SLC6A17: variants seen among roughly 807,000 people sequenced by gnomAD.
SLC6A17 encodes solute carrier family 6 member 17.
Under a neutral mutation model 64.5 loss-of-function variants are expected in SLC6A17, and 21 were observed. The ratio of observed to expected loss-of-function variants is 0.33; its 90% CI spans 0.23 to 0.47. The LOEUF (loss-of-function observed/expected upper bound fraction) is 0.47, where lower values mean the gene tolerates loss of function less well. Among genes scored for constraint, SLC6A17 ranks in the 20% least tolerant of loss-of-function variants. The pLI is 1.00. For missense variants in SLC6A17, 682 were observed against 963.2 expected, an observed-to-expected ratio of 0.71 and a Z score of 3.86; for synonymous variants, 372 against 399.5, an observed-to-expected ratio of 0.93 and a Z score of 0.82.
chr1:110,194,166 G>A (rs957890667), intron 8 of SLC6A17, among the ~76,000 whole-genome samples: 2 of 152,214 alleles, frequency 1.3e-5, no homozygotes, highest in African/African-American at 2.4e-5. Flanking sequence ...ATTGAGAGCC[G>A]AGGCTGAGAC....
At chr1:110,172,524 T>A in intron 3 of SLC6A17, 1 of 315,844 alleles carries the variant, frequency 3.2e-6, no homozygotes, top group Non-Finnish European at 5.9e-6. Context: ...TCTGGGAACA[T>A]ATGGACTAGC....
At chr1:110,190,723 A>T (rs1212879835) in intron 6 of SLC6A17, among the ~76,000 whole-genome samples, 1 of 152,064 alleles carries the variant, frequency 6.6e-6, no homozygotes, top group East Asian at 1.9e-4. Context: ...TTGCCTCCTT[A>T]GTCTGTCTGG....
At chr1:110,195,805 C>T in intron 10 of SLC6A17, 60 bp downstream of exon 10, 2 of 1,597,292 alleles carry the variant, frequency 1.3e-6, no homozygotes, top group Non-Finnish European at 1.7e-6. Flanking sequence ...TCATGACTCC[C>T]TGGAGAGGCA....
intron 6 of SLC6A17, among the ~76,000 whole-genome samples, chr1:110,184,322 G>T (rs1219562996): frequency 6.6e-6 from 1 of 152,090 alleles, no homozygotes; most frequent in Non-Finnish European, 1.5e-5. Context: ...AGCTAGGATG[G>T]TCTCGATCTC....
intron 6 of SLC6A17, among the ~76,000 whole-genome samples, chr1:110,186,021 A>G (rs780229909): frequency 3.3e-4 from 51 of 152,262 alleles, no homozygotes; most frequent in Middle Eastern, 3.4e-3. Flanking sequence ...GGTTCCATCA[A>G]TTTGCTGGGT....
chr1:110,174,532 G>A (rs191160289), intron 4 of SLC6A17, among the ~76,000 whole-genome samples: 35 of 152,296 alleles, frequency 2.3e-4, no homozygotes, highest in African/African-American at 7.5e-4. Flanking sequence ...AGAGAGACAT[G>A]GGCAGCAGGA....
intron 1 of SLC6A17, among the ~76,000 whole-genome samples, chr1:110,155,641 C>T (rs1655736048): frequency 6.6e-6 from 1 of 152,198 alleles, no homozygotes; most frequent in African/African-American, 2.4e-5. Flanking sequence ...TCCCACTGAG[C>T]TGCCACTCTG....
At chr1:110,157,327 C>G (rs1348767720) in intron 1 of SLC6A17, among the ~76,000 whole-genome samples, 1 of 152,172 alleles carries the variant, frequency 6.6e-6, no homozygotes, top group Non-Finnish European at 1.5e-5. Flanking sequence ...GTAATCCCAG[C>G]ATTTTGGGAG....
chr1:110,188,979 A>G (rs981195166), intron 6 of SLC6A17, among the ~76,000 whole-genome samples: 2 of 152,096 alleles, frequency 1.3e-5, no homozygotes, highest in African/African-American at 4.8e-5. Flanking sequence ...TTCCTCCTCC[A>G]GGCTCTGGGT....
chr1:110,200,776 T>G lies in SLC6A17; in HGVS notation c.*2332T>G, dbSNP rs550611140. On this transcript the variant is annotated 3_prime_UTR_variant, in exon 12 of 12. Transcript: ENST00000331565. ...TAGACGTAGGGCCTAGAGCTCGGGG[T>G]GTGTGTGTGCGTGCTGTGTGTATGG... 1.3e-5 allele frequency: 2 copies of G among 152,284 alleles called. No homozygotes were observed. The highest frequency in any genetic ancestry group is 2.4e-5 in the African/African-American group (1 of 41,364). 9.4% of individuals were successfully genotyped at this position (152,284 alleles called of 1,614,324 possible).
chr1:110,180,920 C>A (rs1181580753), intron 6 of SLC6A17, among the ~76,000 whole-genome samples: 4 of 152,128 alleles, frequency 2.6e-5, no homozygotes, highest in Non-Finnish European at 5.9e-5. Flanking sequence ...GGAAGGCCTT[C>A]CCTTCCATAG....
At chr1:110,177,024 T>C (rs749569111) in intron 6 of SLC6A17, among the ~76,000 whole-genome samples, 3 of 152,256 alleles carry the variant, frequency 2.0e-5, no homozygotes, top group East Asian at 1.9e-4. Flanking sequence ...TGAGCTGCCA[T>C]AGGACATTAT....
chr1:110,183,984 G>A (rs1656602843), intron 6 of SLC6A17, among the ~76,000 whole-genome samples: 1 of 150,350 alleles, frequency 6.7e-6, no homozygotes, highest in African/African-American at 2.5e-5. Context: ...GTGTGCAGTG[G>A]ACTCTCTAGC....
At chr1:110,174,353 T>A (rs1557834641) in intron 4 of SLC6A17, among the ~76,000 whole-genome samples, 1 of 152,196 alleles carries the variant, frequency 6.6e-6, no homozygotes, top group African/African-American at 2.4e-5. Flanking sequence ...ACTCACCCTG[T>A]TATTCCACTT....
intron 1 of SLC6A17, among the ~76,000 whole-genome samples, chr1:110,164,175 A>G (rs1454519103): frequency 6.6e-6 from 1 of 152,196 alleles, no homozygotes; most frequent in African/African-American, 2.4e-5. Context: ...CAGGAAATGT[A>G]TGTCAGGTGA....
intron 6 of SLC6A17, 110 bp from the exon 7 acceptor site, chr1:110,191,862 T>C (rs751401374): frequency 2.4e-4 from 368 of 1,509,378 alleles, no homozygotes; most frequent in Non-Finnish European, 3.0e-4. Flanking sequence ...CTTACCACTA[T>C]GGGCTGCTGC....
At chr1:110,156,230 G>T (rs1655757113) in intron 1 of SLC6A17, among the ~76,000 whole-genome samples, 2 of 152,316 alleles carry the variant, frequency 1.3e-5, no homozygotes, top group East Asian at 1.9e-4. Flanking sequence ...AGAGAACTTG[G>T]TCAAGTGAGG....
At chr1:110,178,787 G>A (rs961041308) in intron 6 of SLC6A17, 1 of 152,032 alleles carries the variant, frequency 6.6e-6, no homozygotes, top group African/African-American at 2.4e-5. Context: ...ATCCCGTCAG[G>A]GCTCCACCGT....
chr1:110,162,799 G>C (rs923096447), intron 1 of SLC6A17, among the ~76,000 whole-genome samples: 1 of 152,126 alleles, frequency 6.6e-6, no homozygotes, highest in African/African-American at 2.4e-5. Context: ...TACCATTCAT[G>C]AGCACTTCTT....
Sources: gnomAD v4.1 joint callset for allele counts (sites outside exome capture counted in the v4.1 genomes callset) on GRCh38, gnomAD v4.1.1 for gene constraint, MANE v1.5 for transcripts, NCBI Gene and HGNC (gene_info 2026-07-23, HGNC 2026-07-21) for gene names.